The following TTC39B variants were observed in gnomAD, a reference collection of about 807,000 sequenced individuals.
The protein encoded by TTC39B is tetratricopeptide repeat domain 39B.
TTC39B carries 92 observed loss-of-function variants against 96.6 expected under a neutral mutation model. The ratio of observed to expected loss-of-function variants is 0.95; its 90% CI spans 0.80 to 1.13. TTC39B has a LOEUF of 1.13. Ranked by LOEUF, TTC39B falls within the 50% of genes most tolerant of loss-of-function variation. The pLI, the probability that TTC39B is intolerant of heterozygous loss-of-function variation, is 0.00. For synonymous variants in TTC39B, 367 were observed against 299.4 expected (o/e 1.23, Z -2.33); for missense variants, 955 against 809.3 (o/e 1.18, Z -2.18).
intron 1 of TTC39B, among the ~76,000 whole-genome samples, chr9:15,278,127 G>A (rs1823617050): frequency 6.6e-6 from 1 of 152,182 alleles, no homozygotes. Flanking sequence ...TGGGAAAAAT[G>A]TTCCTTTTCT....
At chr9:15,225,884 C>T (rs754519007) in intron 3 of TTC39B, 33 bp downstream of exon 3, 31 of 1,596,024 alleles carry the variant, frequency 1.9e-5, no homozygotes, top group Non-Finnish European at 2.7e-5. Context: ...GTCCTCCCCT[C>T]TTCCCCCAGG....
At chr9:15,165,495 C>A (rs913467235) in exon 20 of TTC39B, 19 of 152,144 alleles carry the variant, frequency 1.2e-4, no homozygotes, top group African/African-American at 4.6e-4. Flanking sequence ...TGATTAAGAC[C>A]ATTGTATTAG....
intron 1 of TTC39B, among the ~76,000 whole-genome samples, chr9:15,294,748 G>A (rs1047276123): frequency 6.6e-6 from 1 of 152,174 alleles, no homozygotes; most frequent in Non-Finnish European, 1.5e-5. Context: ...CACAGAGGAA[G>A]GTTTTTCTGC....
At chr9:15,250,158 CAGAATTT>C in intron 2 of TTC39B, 1 of 1,208,728 alleles carries the variant, frequency 8.3e-7, no homozygotes, top group Non-Finnish European at 1.0e-6. Context: ...CTTTCCAGGG[CAGAATTT>C]AAGACATGTC....
intron 19 of TTC39B, 26 bp downstream of exon 19, chr9:15,174,993 A>G: frequency 6.7e-7 from 1 of 1,496,256 alleles, no homozygotes; most frequent in Non-Finnish European, 9.3e-7. Flanking sequence ...CATAACAATC[A>G]AGGAAAAGCT....
At chr9:15,235,016 G>T (rs1821704749) in intron 2 of TTC39B, among the ~76,000 whole-genome samples, 1 of 63,272 alleles carries the variant, frequency 1.6e-5, no homozygotes, top group South Asian at 4.6e-4. Context: ...AAACACCCAA[G>T]AATGATCAAT....
intron 1 of TTC39B, among the ~76,000 whole-genome samples, chr9:15,287,428 T>C (rs935943559): frequency 3.3e-5 from 5 of 152,192 alleles, no homozygotes; most frequent in Admixed American, 6.5e-5. Flanking sequence ...TTGTCTCCAA[T>C]TGCCACAGTT....
chr9:15,301,506 G>A (rs748977361), intron 1 of TTC39B, among the ~76,000 whole-genome samples: 1 of 152,190 alleles, frequency 6.6e-6, no homozygotes, highest in Non-Finnish European at 1.5e-5. Flanking sequence ...TATAATCCCA[G>A]CACTTTGGAA....
exon 20 of TTC39B, chr9:15,168,212 C>G (rs755032897): frequency 2.0e-5 from 3 of 152,084 alleles, no homozygotes; most frequent in Non-Finnish European, 2.9e-5. Context: ...CCATGTGTGG[C>G]GAGGGGCTAC....
chr9:15,212,163 A>C (rs1820238643), intron 4 of TTC39B, among the ~76,000 whole-genome samples: 2 of 152,320 alleles, frequency 1.3e-5, no homozygotes, highest in African/African-American at 4.8e-5. Flanking sequence ...TTAAATATTA[A>C]TGCATAACAG....
At chr9:15,286,979 G>C (rs544689274) in intron 1 of TTC39B, among the ~76,000 whole-genome samples, 1 of 152,256 alleles carries the variant, frequency 6.6e-6, no homozygotes, top group African/African-American at 2.4e-5. Flanking sequence ...CTTATTATGA[G>C]AATTCTGTTT....
At chr9:15,217,462 T>C (rs1357406002) in intron 3 of TTC39B, among the ~76,000 whole-genome samples, 1 of 151,996 alleles carries the variant, frequency 6.6e-6, no homozygotes, top group Admixed American at 6.5e-5. Flanking sequence ...TAAACTCAGC[T>C]CTTCTGAGTG....
chr9:15,266,652 C>G lies in TTC39B; in HGVS notation c.275+1262G>C, dbSNP rs552836911. On this transcript the variant is annotated intron_variant, in intron 2 of 19. Transcript: ENST00000512701. Reference sequence around the variant, plus strand: ...TAAAACAAACGGTGCCCCTCTACCCCCACCTGTACATGCACATGTTCAAGC... The same window carrying G: ...TAAAACAAACGGTGCCCCTCTACCCGCACCTGTACATGCACATGTTCAAGC... Among the ~76,000 whole-genome samples the G allele has an allele frequency of 5.9e-5, 9 of 152,254 alleles. No individual in the cohort carries two copies. The South Asian group carries it at 1.9e-3, about 32-fold the overall frequency.
chr9:15,194,981 A>C (rs2131280922), intron 8 of TTC39B, among the ~76,000 whole-genome samples: 1 of 152,338 alleles, frequency 6.6e-6, no homozygotes, highest in South Asian at 2.1e-4. Context: ...GAAGATTCGC[A>C]CCTCTCATTT....
chr9:15,290,146 G>GA (rs969337826), intron 1 of TTC39B, among the ~76,000 whole-genome samples: 4 of 151,950 alleles, frequency 2.6e-5, no homozygotes, highest in Non-Finnish European at 5.9e-5. Context: ...ACTAAAGTGA[G>GA]AAAAAAATGG....
At chr9:15,181,270 C>T (rs1318723590) in intron 17 of TTC39B, among the ~76,000 whole-genome samples, 1 of 152,086 alleles carries the variant, frequency 6.6e-6, no homozygotes, top group Non-Finnish European at 1.5e-5. Context: ...CCATGTTTAG[C>T]ATCACAGAAG....
At chr9:15,215,759 G>A (rs988765994) in intron 3 of TTC39B, among the ~76,000 whole-genome samples, 2 of 151,944 alleles carry the variant, frequency 1.3e-5, no homozygotes, top group Non-Finnish European at 1.5e-5. Flanking sequence ...AGCTACTCAG[G>A]AGGCTGAGGC....
exon 20 of TTC39B, chr9:15,166,995 TATATATATATATATATATA>T (rs1817532675): frequency 1.9e-4 from 1 of 5,320 alleles, no homozygotes; most frequent in African/African-American, 7.5e-4. Context: ...TATATATATA[TATATATATATATATATATA>T]TATATATATA....
At chr9:15,192,348 C>T (rs945443000) in intron 9 of TTC39B, among the ~76,000 whole-genome samples, 2 of 152,132 alleles carry the variant, frequency 1.3e-5, no homozygotes, top group South Asian at 2.1e-4. Flanking sequence ...TTACCAAAAA[C>T]CTTACTAGTC....
Sources: gnomAD v4.1 joint callset for allele counts (sites outside exome capture counted in the v4.1 genomes callset) on GRCh38, gnomAD v4.1.1 for gene constraint, MANE v1.5 for transcripts, NCBI Gene and HGNC (gene_info 2026-07-23, HGNC 2026-07-21) for gene names.